Variants in SMAP2 observed in about 807,000 individuals in gnomAD.
SMAP2 encodes small ArfGAP2.
Under a neutral mutation model 56.4 loss-of-function variants are expected in SMAP2, and 25 were observed. That is an observed-to-expected ratio of 0.44 (90% CI 0.32 to 0.62). SMAP2 has a LOEUF of 0.62. Among genes scored for constraint, SMAP2 ranks in the 20% least tolerant of loss-of-function variants. The pLI, the probability that SMAP2 is intolerant of heterozygous loss-of-function variation, is 0.04. For missense variants in SMAP2, 388 were observed against 545.6 expected (o/e 0.71, Z 2.88); for synonymous variants, 157 against 181.7 (o/e 0.86, Z 1.09).
chr1:40,407,250 C>T (rs890678258), intron 2 of SMAP2, among the ~76,000 whole-genome samples: 1 of 151,996 alleles, frequency 6.6e-6, no homozygotes, highest in African/African-American at 2.4e-5. Flanking sequence ...TTTGTAAGGC[C>T]GAGGTGGGTG....
In SMAP2 at chr1:40,374,761, C is replaced by T. The variant is rs1255367636; in HGVS notation, c.103+538C>T. 1.9e-5 allele frequency: 30 copies of T among 1,550,392 alleles called. No individual in the cohort carries two copies. Among genetic ancestry groups the T allele is most frequent in the Non-Finnish European group, 2.5e-5 (29 of 1,146,970 alleles). Reference sequence around the variant, plus strand: ...GTTAGCAACTCCTGTCATTTTGCAGCCTTGCTAAGATCTGACAAGAGTGCT... The same window carrying T: ...GTTAGCAACTCCTGTCATTTTGCAGTCTTGCTAAGATCTGACAAGAGTGCT... On this transcript the variant is annotated intron_variant, in intron 1 of 9. Transcript: ENST00000372718. The surrounding 1 kb of genome is among the most constrained non-coding windows in gnomAD (Gnocchi z 5.9).
rs201094899 is a variant in SMAP2 at position 40,402,027 on chromosome 1, T to TG, written c.104-4708dup. ...GCACTTATGTGTGACCTTGTTCTTGTGTTGTGCCGATCACTACCAGTTTAC... is the reference window on the plus strand; with the variant it reads ...GCACTTATGTGTGACCTTGTTCTTGTGGTTGTGCCGATCACTACCAGTTTAC... On this transcript the variant is annotated intron_variant, in intron 1 of 9. Coordinates refer to ENST00000372718, the MANE Select transcript of SMAP2 (RefSeq NM_022733.3). Among the ~76,000 whole-genome samples, 1,374 of 152,354 alleles carry TG rather than the reference T, an allele frequency of 9.0e-3. 15 individuals carry two copies. The highest frequency in any genetic ancestry group is 0.031 in the African/African-American group (1,308 of 41,580).
chr1:40,388,436 C>T (rs1269278044), intron 1 of SMAP2, among the ~76,000 whole-genome samples: 1 of 152,080 alleles, frequency 6.6e-6, no homozygotes, highest in East Asian at 1.9e-4. Flanking sequence ...GTGTCTAGCT[C>T]AGGGTTTGTG....
chr1:40,406,743 A>G lies in SMAP2; in HGVS notation c.111A>G (p.Arg37=), dbSNP rs752911468. The G allele has an allele frequency of 1.2e-6, 2 of 1,613,048 alleles. No individual in the cohort carries two copies. The highest frequency in any genetic ancestry group is 2.7e-5 in the African/African-American group (2 of 74,870). The change falls in exon 2 of 10, where the codon CGA becomes CGG. Residue 37 remains arginine, a synonymous_variant. Coordinates refer to ENST00000372718, the MANE Select transcript of SMAP2 (RefSeq NM_022733.3). ...TGTTCCTGACTTTCACAGGGCCGCG[A>G]TGGGCCTCTTGGAACATTGGTGTGT... is the stretch of plus-strand genomic sequence containing the variant. ...FCADCQSKGP[R]WASWNIGVFI...
At chr1:40,400,482 A>G (rs984044530) in intron 1 of SMAP2, among the ~76,000 whole-genome samples, 1 of 152,136 alleles carries the variant, frequency 6.6e-6, no homozygotes, top group Non-Finnish European at 1.5e-5. Flanking sequence ...GGTCCGAAAG[A>G]GTCTGGTGGC....
intron 1 of SMAP2, among the ~76,000 whole-genome samples, chr1:40,379,292 G>T (rs1013179597): frequency 1.3e-5 from 2 of 152,002 alleles, no homozygotes; most frequent in Non-Finnish European, 2.9e-5. Flanking sequence ...AATTTCTTAC[G>T]TGACTTTTAA....
At chr1:40,415,724 G>A (rs554789472) in intron 7 of SMAP2, among the ~76,000 whole-genome samples, 61 of 152,206 alleles carry the variant, frequency 4.0e-4, no homozygotes, top group African/African-American at 1.2e-3. Flanking sequence ...TTCGTGAAAC[G>A]CCTGCTATGT....
intron 1 of SMAP2, among the ~76,000 whole-genome samples, chr1:40,376,953 G>A (rs1287553623): frequency 6.6e-6 from 1 of 152,060 alleles, no homozygotes; most frequent in Non-Finnish European, 1.5e-5. Context: ...ACTTATTTAG[G>A]AACATTTATT....
rs555757930 is a variant in SMAP2 at position 40,387,753 on chromosome 1, G to A, written c.103+13530G>A. ...CTCGGCCTTGGCACCCACTCTGGCCGCACTTGAGGAGCCCTTCAGCCCACT... is the reference window on the plus strand; with the variant it reads ...CTCGGCCTTGGCACCCACTCTGGCCACACTTGAGGAGCCCTTCAGCCCACT... On this transcript the variant is annotated intron_variant, in intron 1 of 9. Transcript: ENST00000372718. Among the ~76,000 whole-genome samples the A allele has an allele frequency of 1.2e-3, 183 of 152,286 alleles. 1 individual carries two copies. The highest frequency in any genetic ancestry group is 3.9e-3 in the African/African-American group (162 of 41,582).
At chr1:40,363,738 C>A (rs1279682881) in intron 2 of SMAP2, among the ~76,000 whole-genome samples, 33 of 152,154 alleles carry the variant, frequency 2.2e-4, no homozygotes, top group Admixed American at 2.2e-3. Context: ...TGCCACTAAC[C>A]CCTTCCCCAC....
intron 1 of SMAP2, chr1:40,393,198 T>C (rs1644734227): frequency 2.5e-6 from 2 of 813,186 alleles, no homozygotes; most frequent in Non-Finnish European, 3.6e-6. Flanking sequence ...TGGTAGCACA[T>C]GCCTGTAGTC....
intron 6 of SMAP2, 116 bp from the exon 7 acceptor site, chr1:40,415,156 A>C: frequency 1.3e-6 from 1 of 758,900 alleles, no homozygotes; most frequent in South Asian, 1.7e-5. Context: ...TGGTTCCAGA[A>C]GTCTAGATTT....
At chr1:40,387,617 A>G (rs1367014216) in intron 1 of SMAP2, among the ~76,000 whole-genome samples, 3 of 152,018 alleles carry the variant, frequency 2.0e-5, no homozygotes, top group Non-Finnish European at 4.4e-5. Flanking sequence ...CATAAGGGAC[A>G]TAAGGAACAG....
chr1:40,410,526 G>A (rs1046156455), intron 4 of SMAP2, among the ~76,000 whole-genome samples: 1 of 152,028 alleles, frequency 6.6e-6, no homozygotes, highest in African/African-American at 2.4e-5. Flanking sequence ...AAAAGTAGGT[G>A]TAATTAAATC....
chr1:40,422,410 T>G lies in SMAP2; in HGVS notation c.*309T>G. On this transcript the variant is annotated 3_prime_UTR_variant, in exon 10 of 10. Transcript: ENST00000372718. ...AGAAGTGTGCACACCTTTGAGTCCCTTCCCTCAAGGTTAAAGCTCCTGTCA... is the reference window on the plus strand; with the variant it reads ...AGAAGTGTGCACACCTTTGAGTCCCGTCCCTCAAGGTTAAAGCTCCTGTCA... The G allele has an allele frequency of 3.2e-6, 1 of 313,570 alleles. No homozygotes were observed. The highest frequency in any genetic ancestry group is 3.9e-5 in the Admixed American group (1 of 25,580). 19.4% of individuals were successfully genotyped at this position (313,570 alleles called of 1,614,324 possible). A position where few individuals can be genotyped will look rare whatever the true frequency, so the allele number is the denominator to read the frequency against.
intron 1 of SMAP2, among the ~76,000 whole-genome samples, chr1:40,379,472 A>G (rs556987973): frequency 6.6e-6 from 1 of 152,058 alleles, no homozygotes; most frequent in East Asian, 1.9e-4. Flanking sequence ...TGTTCTTTGA[A>G]GGTATTTTCT....
intron 1 of SMAP2, among the ~76,000 whole-genome samples, chr1:40,360,992 A>G (rs1644457540): frequency 6.6e-6 from 1 of 152,226 alleles, no homozygotes; most frequent in South Asian, 2.1e-4. Flanking sequence ...TGGGGGGCAC[A>G]TGACTTAATA....
At chr1:40,390,635 T>TA (rs973575939) in intron 1 of SMAP2, among the ~76,000 whole-genome samples, 21 of 151,966 alleles carry the variant, frequency 1.4e-4, no homozygotes, top group South Asian at 1.0e-3. Flanking sequence ...GTTGTAATAA[T>TA]AAAAAAAAGA....
chr1:40,393,190 GT>G (rs1644734110), intron 1 of SMAP2, among the ~76,000 whole-genome samples: 1 of 144,304 alleles, frequency 6.9e-6, no homozygotes, highest in Admixed American at 7.3e-5. Flanking sequence ...GCCAGGCGTG[GT>G]AGCACATGCC....
Sources: gnomAD v4.1 joint callset for allele counts (sites outside exome capture counted in the v4.1 genomes callset) on GRCh38, gnomAD v4.1.1 for gene constraint, Gnocchi (gnomAD v3.1) non-coding constraint, MANE v1.5 for transcripts, NCBI Gene and HGNC (gene_info 2026-07-23, HGNC 2026-07-21) for gene names.